UACA: variants seen among roughly 807,000 people sequenced by gnomAD.
The protein encoded by UACA is uveal autoantigen with coiled-coil domains and ankyrin repeats, also known as nuclear membrane binding protein.
Under a neutral mutation model 160.5 loss-of-function variants are expected in UACA, and 112 were observed. The ratio of observed to expected loss-of-function variants is 0.70; its 90% CI spans 0.60 to 0.82. UACA has a LOEUF of 0.82. Ranked by LOEUF, UACA falls within the 40% of genes least tolerant of loss-of-function variation. The pLI is 0.00. For synonymous variants in UACA, 557 were observed against 568.4 expected, an observed-to-expected ratio of 0.98 and a Z score of 0.29; for missense variants, 1,574 against 1,614.6, an observed-to-expected ratio of 0.97 and a Z score of 0.43.
At chr15:70,767,292 AAG>A (rs2031039922), upstream of UACA, among the ~76,000 whole-genome samples, 1 of 151,494 alleles carries the variant, frequency 6.6e-6, no homozygotes, top group Non-Finnish European at 1.5e-5. Context: ...CAATAAAAAA[AAG>A]AATCCACACA....
Position 70,719,053 on chromosome 15 carries a change from A to G in UACA, c.79-19393T>C, listed in dbSNP as rs141586027. On this transcript the variant is annotated intron_variant, in intron 1 of 18. Coordinates refer to ENST00000322954, the MANE Select transcript of UACA (RefSeq NM_018003.4). ...AGGAAGGAAGGGAGGAAGGAAGGGT[A>G]GAAAGAAGGGAGGAAGGAAAGAGGG... Among the ~76,000 whole-genome samples the G allele has an allele frequency of 2.6e-5, 4 of 151,818 alleles. No individual in the cohort carries two copies. In the East Asian group the frequency reaches 7.7e-4, roughly 29 times the overall value.
At position 70,668,468 on chromosome 15, in the gene UACA, T is replaced by A; in HGVS notation, c.2216A>T (p.Glu739Val). ...TAAAGGAACATAATGATTTTTCATT[T>A]CAATTGTTAAGTTATGTGCTTGCTC... ...LKEQAHNLTI[E>V]MKNHYVPLKV... Residue 739 changes from glutamate (E) to valine (V), a missense_variant, in exon 16 of 19, where the codon GAA (glutamate) becomes GTA (valine). By Grantham distance (121) the Glu-to-Val change is moderately radical. Transcript: ENST00000322954. 6.2e-7 allele frequency: 1 copy of A among 1,612,448 alleles called. No individual in the cohort carries two copies. The highest frequency in any genetic ancestry group is 1.3e-5 in the African/African-American group (1 of 75,060).
intron 1 of UACA, among the ~76,000 whole-genome samples, chr15:70,750,156 C>T (rs2029955413): frequency 6.6e-6 from 1 of 152,206 alleles, no homozygotes; most frequent in Admixed American, 6.5e-5. Context: ...TGCAGGCCCT[C>T]ACTAATTCTT....
intron 1 of UACA, among the ~76,000 whole-genome samples, chr15:70,748,059 T>C (rs1169345773): frequency 6.6e-6 from 1 of 152,170 alleles, no homozygotes. Flanking sequence ...CCTGGCATAG[T>C]ACTGTATGTA....
rs757072272 is a variant in UACA, at chr15:70,669,336, G to A, written c.1348C>T (p.Arg450Ter). The change falls in exon 16 of 19, where the codon CGA becomes TGA. Residue 450 changes from arginine (R) to a stop codon, truncating the protein, a stop_gained. Transcript: ENST00000322954. LOFTEE classifies it high-confidence loss of function. ...EILKKELEAM[R>*]TFCESAKQDR... is the part of the protein sequence containing the mutation. ...TGTTTTGCTGACTCACAGAAAGTTC[G>A]CATTGCTTCTAACTCTTTCTTTAAA... The A allele has an allele frequency of 7.4e-6, 12 of 1,613,832 alleles. No homozygotes were observed. Among genetic ancestry groups the A allele is most frequent in the Middle Eastern group, 1.6e-4 (1 of 6,082 alleles).
intron 1 of UACA, among the ~76,000 whole-genome samples, chr15:70,707,449 G>T (rs1898553843): frequency 6.6e-6 from 1 of 152,122 alleles, no homozygotes; most frequent in Non-Finnish European, 1.5e-5. Context: ...AAACTTCTGT[G>T]CAGCAAAAGA....
At chr15:70,762,767 C>T (rs1229644481) in intron 1 of UACA, among the ~76,000 whole-genome samples, 2 of 152,248 alleles carry the variant, frequency 1.3e-5, no homozygotes, top group Non-Finnish European at 2.9e-5. Context: ...TCAAACTTCC[C>T]AGTGACAACG....
At chr15:70,657,274 G>C (rs973923750) in intron 18 of UACA, 147 bp from the exon 19 acceptor site, 1 of 686,952 alleles carries the variant, frequency 1.5e-6, no homozygotes, top group Non-Finnish European at 2.5e-6. Context: ...AGGAATTACT[G>C]GAAAAGGGAG....
chr15:70,685,976 T>C (rs553376825), intron 7 of UACA, among the ~76,000 whole-genome samples: 2 of 152,216 alleles, frequency 1.3e-5, no homozygotes, highest in South Asian at 4.1e-4. Flanking sequence ...GGTTTCGCCA[T>C]GTTGGCCAGG....
At chr15:70,718,321 AGAATGTGTGTG>A (rs1566989718) in intron 1 of UACA, among the ~76,000 whole-genome samples, 1 of 68,150 alleles carries the variant, frequency 1.5e-5, no homozygotes, top group African/African-American at 4.6e-5. Context: ...AGAGAGAGAG[AGAATGTGTGTG>A]TGTGTGTGTG....
chr15:70,686,766 A>C (rs952224099), intron 7 of UACA, among the ~76,000 whole-genome samples: 1 of 152,186 alleles, frequency 6.6e-6, no homozygotes, highest in Non-Finnish European at 1.5e-5. Flanking sequence ...AAAAGAAACC[A>C]AAATTTTTAC....
intron 1 of UACA, among the ~76,000 whole-genome samples, chr15:70,761,761 A>G (rs2030774826): frequency 6.6e-6 from 1 of 152,216 alleles, no homozygotes; most frequent in African/African-American, 2.4e-5. Flanking sequence ...ATTTAAGCTC[A>G]GAGATATGCA....
intron 1 of UACA, among the ~76,000 whole-genome samples, chr15:70,720,580 C>G (rs1898959231): frequency 1.3e-5 from 2 of 152,052 alleles, no homozygotes; most frequent in Admixed American, 1.3e-4. Flanking sequence ...ATCTCTGGAT[C>G]AAGAAAATCT....
intron 1 of UACA, among the ~76,000 whole-genome samples, chr15:70,752,163 G>A (rs560091170): frequency 6.0e-5 from 9 of 151,080 alleles, no homozygotes; most frequent in East Asian, 2.0e-4. Context: ...GCTTGAACCC[G>A]GGAGGCAGAG....
At chr15:70,775,662 T>C in the UACA span, among the ~76,000 whole-genome samples, 1 of 152,202 alleles carries the variant, frequency 6.6e-6, no homozygotes, top group Non-Finnish European at 1.5e-5. Flanking sequence ...ATTAATTGAA[T>C]AAAATATAAT....
chr15:70,681,336 C>T (rs1389462546), intron 9 of UACA, among the ~76,000 whole-genome samples: 1 of 151,900 alleles, frequency 6.6e-6, no homozygotes, highest in Non-Finnish European at 1.5e-5. Context: ...ATACTGTAGG[C>T]TTCTTGAAAA....
chr15:70,677,759 T>C (rs1443830072), intron 11 of UACA, among the ~76,000 whole-genome samples: 1 of 152,220 alleles, frequency 6.6e-6, no homozygotes, highest in Non-Finnish European at 1.5e-5. Context: ...TCACTGTTTC[T>C]GTGATTTTGC....
chr15:70,761,444 T>C (rs1289961906), intron 1 of UACA, among the ~76,000 whole-genome samples: 5 of 152,054 alleles, frequency 3.3e-5, no homozygotes, highest in African/African-American at 9.7e-5. Flanking sequence ...TAAATACATA[T>C]ACATGTGACC....
In UACA at chr15:70,668,422, T is replaced by C; in HGVS notation, c.2262A>G (p.Lys754=). The part of the protein sequence containing the change: ...YVPLKVSEDM[K]KSHDAIIDDL... Reference sequence around the variant, plus strand: ...CATCAATAATTGCATCATGTGACTTTTTCATGTCTTCACTTACTTTTAAAG... The same window carrying C: ...CATCAATAATTGCATCATGTGACTTCTTCATGTCTTCACTTACTTTTAAAG... The change falls in exon 16 of 19, where the codon AAA becomes AAG. Residue 754 remains lysine, a synonymous_variant. Transcript: ENST00000322954. 6.2e-7 allele frequency: 1 copy of C among 1,611,964 alleles called. No homozygotes were observed. Among genetic ancestry groups the C allele is most frequent in the Non-Finnish European group, 8.5e-7 (1 of 1,179,724 alleles).
Sources: gnomAD v4.1 joint callset for allele counts (sites outside exome capture counted in the v4.1 genomes callset) on GRCh38, gnomAD v4.1.1 for gene constraint, MANE v1.5 for transcripts, NCBI Gene and HGNC (gene_info 2026-07-23, HGNC 2026-07-21) for gene names.